The following DIAPH2 variants were observed in gnomAD, a reference collection of about 807,000 sequenced individuals.
DIAPH2 encodes diaphanous related formin 2.
DIAPH2 carries 35 observed loss-of-function variants against 92.7 expected under a neutral mutation model. The observed-to-expected ratio is 0.38, with a 90% CI of 0.29 to 0.50. DIAPH2 has a LOEUF of 0.50. Ranked by LOEUF, DIAPH2 falls within the 20% of genes least tolerant of loss-of-function variation. The pLI is 0.94. For synonymous variants in DIAPH2, 301 were observed against 280.4 expected (o/e 1.07, Z -0.73); for missense variants, 701 against 819.5 (o/e 0.86, Z 1.77).
rs187069344 is a variant in DIAPH2 at position 97,460,354 on chromosome X, T to C, written c.3241+30609T>C. Among the ~76,000 whole-genome samples, 25 of 111,947 alleles carry C rather than the reference T, an allele frequency of 2.2e-4. No homozygotes were observed. In the East Asian group the frequency reaches 6.7e-3, roughly 30 times the overall value. On this transcript the variant is annotated intron_variant, in intron 26 of 26. Transcript: ENST00000324765. ...TTATTACTGCTATTATTATTTTTAT[T>C]AGTTAGAGTTTAAAGAAAAAGCAGC...
chrX:96,839,728 C>T (rs2064923431), intron 4 of DIAPH2, among the ~76,000 whole-genome samples: 1 of 111,832 alleles, frequency 8.9e-6, no homozygotes, highest in Non-Finnish European at 1.9e-5. Context: ...ATTTCATGTT[C>T]TTAAAATTAA....
intron 17 of DIAPH2, among the ~76,000 whole-genome samples, chrX:97,000,093 C>T (rs777834113): frequency 1.8e-5 from 2 of 111,769 alleles, no homozygotes; most frequent in South Asian, 7.6e-4. Flanking sequence ...ACTGATACAA[C>T]AATTTATGGA....
chrX:97,075,668 C>T (rs1276744169), intron 19 of DIAPH2, among the ~76,000 whole-genome samples: 1 of 111,854 alleles, frequency 8.9e-6, no homozygotes, highest in Non-Finnish European at 1.9e-5. Flanking sequence ...GGGTATTTAA[C>T]ATACCCATTG....
At chrX:97,404,650 A>G (rs2069790959) in intron 25 of DIAPH2, among the ~76,000 whole-genome samples, 1 of 112,070 alleles carries the variant, frequency 8.9e-6, no homozygotes, top group Non-Finnish European at 1.9e-5. Flanking sequence ...TGCTTGTGTC[A>G]TATTGGAAAT....
rs1240533668 is a variant in DIAPH2, at chrX:97,601,548, A to AGTTTT, written c.*2237_*2241dup. The AGTTTT allele has an allele frequency of 1.8e-5, 2 of 111,624 alleles. No individual in the cohort carries two copies. Among genetic ancestry groups the AGTTTT allele is most frequent in the Non-Finnish European group, 3.8e-5 (2 of 53,077 alleles). The allele number at this position is 111,624 out of a possible 1,213,427, so 9.2% of individuals were successfully genotyped here. ...TAATGGTCCTGCTCTAGCCATTTGCAGTTTTGTTTTAGATGATTGGAAAGT... is the reference window on the plus strand; with the variant it reads ...TAATGGTCCTGCTCTAGCCATTTGCAGTTTTGTTTTGTTTTAGATGATTGGAAAGT... On this transcript the variant is annotated 3_prime_UTR_variant, in exon 27 of 27. Transcript: ENST00000324765.
intron 4 of DIAPH2, among the ~76,000 whole-genome samples, chrX:96,810,160 C>T (rs1450665589): frequency 2.7e-5 from 3 of 112,156 alleles, no homozygotes; most frequent in Non-Finnish European, 5.6e-5. Context: ...CCTATTTCTC[C>T]ACATCCTCTC....
chrX:97,213,079 A>C (rs990599876), intron 22 of DIAPH2, among the ~76,000 whole-genome samples: 1 of 112,024 alleles, frequency 8.9e-6, no homozygotes, highest in Admixed American at 9.5e-5. Flanking sequence ...ATTCACATGA[A>C]GATTTGATAA....
intron 22 of DIAPH2, among the ~76,000 whole-genome samples, chrX:97,179,708 T>G (rs2067523804): frequency 8.9e-6 from 1 of 111,888 alleles, no homozygotes; most frequent in Non-Finnish European, 1.9e-5. Context: ...TGATTTATAT[T>G]CCTTTGGATA....
Position 96,837,351 on chromosome X carries a change from CTCTCTT to C in DIAPH2, c.448-44222_448-44217del, listed in dbSNP as rs779383452. Among the ~76,000 whole-genome samples the C allele has an allele frequency of 5.5e-3, 597 of 108,874 alleles. 4 individuals are homozygous for C. Among genetic ancestry groups the C allele is most frequent in the African/African-American group, 0.019 (583 of 29,924 alleles). The allele number at this position is 108,874 out of a possible 115,157, so 94.5% of individuals were successfully genotyped here. On this transcript the variant is annotated intron_variant, in intron 4 of 26. Coordinates refer to ENST00000324765, the MANE Select transcript of DIAPH2 (RefSeq NM_006729.5). ...AACTCGCTGATAAGTGGCTTTCTCT[CTCTCTT>C]TCTCTGTCTCTCTGTCTGCCTCCTT... is the stretch of plus-strand genomic sequence containing the variant.
chrX:97,178,818 A>G (rs2067516162), intron 22 of DIAPH2, among the ~76,000 whole-genome samples: 1 of 111,309 alleles, frequency 9.0e-6, no homozygotes, highest in African/African-American at 3.3e-5. Context: ...CAGAGCCGTT[A>G]AGGATGGGAT....
chrX:97,474,260 T>C (rs930564899), intron 26 of DIAPH2, among the ~76,000 whole-genome samples: 1 of 112,507 alleles, frequency 8.9e-6, no homozygotes, highest in Admixed American at 9.4e-5. Context: ...TGAAACAAGA[T>C]AGTCTGAAAG....
intron 24 of DIAPH2, among the ~76,000 whole-genome samples, chrX:97,349,079 TA>T (rs1389926244): frequency 2.1e-4 from 18 of 87,662 alleles, no homozygotes; most frequent in Admixed American, 2.7e-4. Flanking sequence ...TATATATATA[TA>T]TATTTTTTTT....
At chrX:97,462,663 A>G (rs1002912391) in intron 26 of DIAPH2, among the ~76,000 whole-genome samples, 5 of 111,863 alleles carry the variant, frequency 4.5e-5, no homozygotes, top group Non-Finnish European at 7.5e-5. Flanking sequence ...TTAAGCTATT[A>G]TCTGTCATGT....
intron 22 of DIAPH2, among the ~76,000 whole-genome samples, chrX:97,179,553 C>T (rs986740767): frequency 1.3e-4 from 14 of 111,373 alleles, no homozygotes; most frequent in African/African-American, 4.2e-4. Flanking sequence ...TTTCTTTTTA[C>T]GGCTGCATAG....
intron 26 of DIAPH2, among the ~76,000 whole-genome samples, chrX:97,443,912 TTTTG>T (rs1357360970): frequency 4.5e-5 from 5 of 112,079 alleles, no homozygotes; most frequent in Non-Finnish European, 7.5e-5. Context: ...AATAATACCC[TTTTG>T]TTTCAGCTTT....
intron 17 of DIAPH2, among the ~76,000 whole-genome samples, chrX:96,994,508 G>C (rs1053609895): frequency 1.8e-5 from 2 of 111,957 alleles, no homozygotes; most frequent in African/African-American, 6.5e-5. Context: ...ATATGGCTTT[G>C]AGGGAGAGGT....
chrX:97,475,795 G>A (rs1051085192), intron 26 of DIAPH2, among the ~76,000 whole-genome samples: 2 of 112,032 alleles, frequency 1.8e-5, no homozygotes, highest in Non-Finnish European at 1.9e-5. Context: ...TAATTATCAT[G>A]CTAGCTAAGT....
intron 26 of DIAPH2, among the ~76,000 whole-genome samples, chrX:97,432,304 T>G (rs1371890535): frequency 9.1e-6 from 1 of 109,545 alleles, no homozygotes; most frequent in Non-Finnish European, 1.9e-5. Context: ...TATTTATTAT[T>G]ATTTTTTTGA....
At chrX:96,790,232 G>A (rs1473465022) in intron 4 of DIAPH2, among the ~76,000 whole-genome samples, 5 of 109,854 alleles carry the variant, frequency 4.6e-5, no homozygotes, top group African/African-American at 1.7e-4. Context: ...ACCACGCCCA[G>A]CTAATTTTTT....
Sources: allele counts gnomAD v4.1 joint callset (sites outside exome capture counted in the v4.1 genomes callset), GRCh38; gene constraint gnomAD v4.1.1; transcripts MANE v1.5; gene names NCBI Gene and HGNC (gene_info 2026-07-23, HGNC 2026-07-21).